Variants in LHFPL3 observed in about 807,000 individuals in gnomAD.
The protein encoded by LHFPL3 is LHFPL tetraspan subfamily member 3 protein.
In LHFPL3, 5 loss-of-function variants were observed where a neutral mutation model predicts 19.3. The ratio of observed to expected loss-of-function variants is 0.26; its 90% CI spans 0.14 to 0.54. LHFPL3 has a LOEUF of 0.54. Among genes scored for constraint, LHFPL3 ranks in the 20% least tolerant of loss-of-function variants. LHFPL3 has a pLI of 0.94. For missense variants in LHFPL3, 249 were observed against 307.4 expected (o/e 0.81, Z 1.42); for synonymous variants, 133 against 126.2 (o/e 1.05, Z -0.36).
At chr7:104,598,089 A>G (rs986103821) in intron 1 of LHFPL3, among the ~76,000 whole-genome samples, 1 of 152,192 alleles carries the variant, frequency 6.6e-6, no homozygotes, top group Non-Finnish European at 1.5e-5. Context: ...AAATGGGCAT[A>G]AGAAGGGACA....
chr7:104,355,811 C>G (rs1263889755), intron 1 of LHFPL3, among the ~76,000 whole-genome samples: 2 of 152,214 alleles, frequency 1.3e-5, no homozygotes, highest in African/African-American at 2.4e-5. Flanking sequence ...CCTCCACTGG[C>G]ATCTATCCAG....
chr7:104,630,323 G>A (rs1307583522), intron 1 of LHFPL3, among the ~76,000 whole-genome samples: 1 of 152,160 alleles, frequency 6.6e-6, no homozygotes, highest in Non-Finnish European at 1.5e-5. Context: ...GGTTTATAAG[G>A]AGTTAGGACT....
chr7:104,383,453 T>G (rs896755962), intron 1 of LHFPL3, among the ~76,000 whole-genome samples: 5 of 152,236 alleles, frequency 3.3e-5, no homozygotes, highest in African/African-American at 1.2e-4. Flanking sequence ...TAACCAGATA[T>G]GCAAACAGGC....
intron 1 of LHFPL3, among the ~76,000 whole-genome samples, chr7:104,430,419 CATATATATATATATATAT>C (rs1457442187): frequency 6.8e-4 from 10 of 14,664 alleles, no homozygotes; most frequent in East Asian, 4.6e-3. Context: ...TATATATATA[CATATATATATATATATAT>C]ATATATATAT....
rs1056674347 is a variant in LHFPL3, at chr7:104,907,229, C to G, written c.*1014C>G. The G allele has an allele frequency of 3.3e-5, 5 of 152,382 alleles. No individual in the cohort carries two copies. The highest frequency in any genetic ancestry group is 7.4e-5 in the Non-Finnish European group (5 of 67,970). 9.4% of individuals were successfully genotyped at this position (152,382 alleles called of 1,614,324 possible). A position where few individuals can be genotyped will look rare whatever the true frequency, so the allele number is the denominator to read the frequency against. On this transcript the variant is annotated 3_prime_UTR_variant, in exon 3 of 3. Transcript: ENST00000424859. ...CTTCTATTTCCCTTACTGATGGGCA[C>G]TCATTTTTATTTTTTTAAAAATCAT...
intron 2 of LHFPL3, among the ~76,000 whole-genome samples, chr7:104,791,874 T>G (rs914137960): frequency 6.6e-6 from 1 of 152,152 alleles, no homozygotes; most frequent in South Asian, 2.1e-4. Context: ...CAGTCAGCAT[T>G]TAAGAGGTCT....
intron 1 of LHFPL3, among the ~76,000 whole-genome samples, chr7:104,417,884 C>CTTTTTTTT (rs762794916): frequency 3.2e-4 from 38 of 117,758 alleles, no homozygotes; most frequent in East Asian, 7.0e-4. Flanking sequence ...TCTTCTTCTT[C>CTTTTTTTT]TTTTTTTTTT....
In LHFPL3 at chr7:104,770,615, T is replaced by G. The variant is rs536319003; in HGVS notation, c.682+33704T>G. On this transcript the variant is annotated intron_variant, in intron 2 of 2. Transcript: ENST00000424859. ...TCACACAGAACCTCTCTGGGAATGG[T>G]GAATATCTAACACTCATCCAATTAT... is the stretch of plus-strand genomic sequence containing the variant. Among the ~76,000 whole-genome samples, 3 of 152,244 alleles carry G rather than the reference T, an allele frequency of 2.0e-5. No individual in the cohort carries two copies. In the South Asian group the frequency reaches 6.2e-4, roughly 32 times the overall value.
intron 1 of LHFPL3, among the ~76,000 whole-genome samples, chr7:104,461,556 G>A (rs1199458848): frequency 1.3e-5 from 2 of 152,082 alleles, no homozygotes; most frequent in African/African-American, 4.8e-5. Context: ...CTGTTCCATT[G>A]GTCTATGTGT....
At chr7:104,635,525 C>A (rs1791714657) in intron 1 of LHFPL3, among the ~76,000 whole-genome samples, 1 of 152,088 alleles carries the variant, frequency 6.6e-6, no homozygotes, top group Admixed American at 6.6e-5. Context: ...TAGAACAATA[C>A]CTTCACAGTA....
intron 1 of LHFPL3, among the ~76,000 whole-genome samples, chr7:104,367,896 A>G (rs1193653084): frequency 1.3e-5 from 2 of 152,240 alleles, no homozygotes; most frequent in Non-Finnish European, 2.9e-5. Context: ...TTCATTTCCT[A>G]GAAGTAGTTA....
intron 1 of LHFPL3, among the ~76,000 whole-genome samples, chr7:104,460,903 G>C (rs201982704): frequency 6.6e-6 from 1 of 152,046 alleles, no homozygotes. Context: ...CATCTTTATC[G>C]TGAAATCTTT....
At chr7:104,729,010 A>G (rs1050050095) in intron 1 of LHFPL3, among the ~76,000 whole-genome samples, 2 of 152,226 alleles carry the variant, frequency 1.3e-5, no homozygotes, top group African/African-American at 4.8e-5. Flanking sequence ...TTAATTTTCA[A>G]AGTAACCTCT....
chr7:104,667,604 T>C (rs1792381211), intron 1 of LHFPL3: 3 of 660,362 alleles, frequency 4.5e-6, no homozygotes, highest in East Asian at 2.7e-5. Flanking sequence ...GCATAACTAA[T>C]ATTTGTTATC....
intron 1 of LHFPL3, among the ~76,000 whole-genome samples, chr7:104,457,274 C>T (rs566965345): frequency 1.1e-4 from 16 of 151,704 alleles, no homozygotes; most frequent in African/African-American, 3.6e-4. Flanking sequence ...CCCCCATCCC[C>T]CCACCCCACA....
intron 1 of LHFPL3, among the ~76,000 whole-genome samples, chr7:104,544,821 C>T (rs1307300702): frequency 6.6e-6 from 1 of 152,080 alleles, no homozygotes; most frequent in Non-Finnish European, 1.5e-5. Context: ...CCTTTTCCTG[C>T]CCCTCACTAG....
In LHFPL3 at chr7:104,379,246, C is replaced by T. The variant is rs533014567; in HGVS notation, c.445+50022C>T. ...GCAGATCCCTGGTACCGTTTCAGGA[C>T]GGAGTCAAATCTCCAAATTGGTCTC... On this transcript the variant is annotated intron_variant, in intron 1 of 2. Transcript: ENST00000424859. 8.5e-5 allele frequency among the ~76,000 whole-genome samples: 13 copies of T among 152,286 alleles called. 1 individual carries two copies. The highest frequency in any genetic ancestry group is 3.4e-3 in the Middle Eastern group (1 of 292).
intron 2 of LHFPL3, among the ~76,000 whole-genome samples, chr7:104,873,987 C>T (rs1460243113): frequency 1.3e-5 from 2 of 152,182 alleles, no homozygotes; most frequent in African/African-American, 4.8e-5. Flanking sequence ...ATTTGGAGAT[C>T]CCTAATGAAA....
chr7:104,559,043 C>T (rs1789926313), intron 1 of LHFPL3, among the ~76,000 whole-genome samples: 1 of 148,108 alleles, frequency 6.8e-6, no homozygotes, highest in Admixed American at 6.6e-5. Context: ...ATCTATATCT[C>T]TGTTTTGGTA....
Sources: allele counts gnomAD v4.1 joint callset (sites outside exome capture counted in the v4.1 genomes callset), GRCh38; gene constraint gnomAD v4.1.1; transcripts MANE v1.5; gene names NCBI Gene and HGNC (gene_info 2026-07-23, HGNC 2026-07-21).